Variants in ROBO2 observed in about 807,000 individuals in gnomAD.
ROBO2 encodes the protein roundabout homolog 2.
Under a neutral mutation model 160.8 loss-of-function variants are expected in ROBO2, and 53 were observed. The observed-to-expected ratio is 0.33, with a 90% CI of 0.26 to 0.41. The LOEUF (loss-of-function observed/expected upper bound fraction) is 0.41, where lower values mean the gene tolerates loss of function less well. ROBO2 is among the 10% of genes least tolerant of loss of function. ROBO2 has a pLI of 1.00. For synonymous variants in ROBO2, 664 were observed against 611.7 expected (o/e 1.09, Z -1.26); for missense variants, 1,577 against 1,722.4 (o/e 0.92, Z 1.49).
chr3:77,231,391 T>C (rs906497870), intron 2 of ROBO2, among the ~76,000 whole-genome samples: 16 of 135,130 alleles, frequency 1.2e-4, no homozygotes, highest in Non-Finnish European at 1.3e-4. Flanking sequence ...AAAAAGACAC[T>C]AAGCTAAAAG....
intron 2 of ROBO2, among the ~76,000 whole-genome samples, chr3:77,420,618 T>C (rs2077629761): frequency 6.6e-6 from 1 of 152,120 alleles, no homozygotes; most frequent in Admixed American, 6.6e-5. Flanking sequence ...GTTTACCAAA[T>C]GTGTTGTCTG....
At chr3:77,471,782 T>A (rs551787054) in intron 2 of ROBO2, among the ~76,000 whole-genome samples, 143 of 152,200 alleles carry the variant, frequency 9.4e-4, no homozygotes, top group Non-Finnish European at 1.8e-3. Context: ...GAGAGGAAAG[T>A]GGGAGACACA....
chr3:76,636,418 A>AATTAAAGG (rs893285493), intron 2 of ROBO2, among the ~76,000 whole-genome samples: 6 of 152,292 alleles, frequency 3.9e-5, no homozygotes, highest in African/African-American at 1.2e-4. Flanking sequence ...GGGTTCCCCA[A>AATTAAAGG]GCCCCCCAAA....
rs528601113 is a variant in ROBO2 at position 76,164,052 on chromosome 3, G to T, written c.109+226450G>T. The stretch of plus-strand genomic sequence containing the variant: ...ATCCCCTCAAACCTGCCTCTGCTTT[G>T]CCAACTAAGTTTACATAATATTCTA... On this transcript the variant is annotated intron_variant, in intron 2 of 26. Transcript: ENST00000487694. 5.3e-5 allele frequency among the ~76,000 whole-genome samples: 8 copies of T among 152,164 alleles called. No individual in the cohort carries two copies. The South Asian group carries it at 1.7e-3, about 32-fold the overall frequency.
At chr3:76,484,391 G>A (rs1309775388) in intron 2 of ROBO2, among the ~76,000 whole-genome samples, 1 of 152,078 alleles carries the variant, frequency 6.6e-6, no homozygotes, top group Non-Finnish European at 1.5e-5. Flanking sequence ...AAACACTTAA[G>A]TATCTGTTGT....
At chr3:77,561,709 C>A (rs1169329350) in intron 9 of ROBO2, among the ~76,000 whole-genome samples, 2 of 152,056 alleles carry the variant, frequency 1.3e-5, no homozygotes, top group Non-Finnish European at 2.9e-5. Context: ...TCCATAGCCA[C>A]ATTTTTTTAA....
At chr3:76,382,139 C>T (rs898102114) in intron 2 of ROBO2, among the ~76,000 whole-genome samples, 5 of 152,032 alleles carry the variant, frequency 3.3e-5, no homozygotes, top group African/African-American at 9.7e-5. Flanking sequence ...CTAATATTTT[C>T]GTATTTTTGG....
At chr3:76,475,126 G>A (rs2078865893) in intron 2 of ROBO2, among the ~76,000 whole-genome samples, 1 of 151,788 alleles carries the variant, frequency 6.6e-6, no homozygotes, top group South Asian at 2.1e-4. Flanking sequence ...AAAAAAAGGG[G>A]GTAATATGAG....
intron 2 of ROBO2, among the ~76,000 whole-genome samples, chr3:77,375,152 C>T (rs1286633680): frequency 6.6e-6 from 1 of 152,202 alleles, no homozygotes; most frequent in East Asian, 1.9e-4. Flanking sequence ...TTCAAGGTTC[C>T]AGTGAGCTAT....
chr3:77,523,024 T>G (rs2153628498), intron 6 of ROBO2, 122 bp downstream of exon 6: 16 of 1,116,324 alleles, frequency 1.4e-5, no homozygotes, highest in Non-Finnish European at 1.9e-5. Flanking sequence ...ATGCCTAGAT[T>G]TTGTGTCCTC....
chr3:77,602,461 T>C (rs1302738003), exon 20 of ROBO2: 1 of 1,614,152 alleles, frequency 6.2e-7, no homozygotes, highest in Admixed American at 1.7e-5. Flanking sequence ...ATTTGGTTAT[T>C]CTCTACCTGA....
chr3:76,014,285 T>G (rs1048024037), intron 2 of ROBO2, among the ~76,000 whole-genome samples: 1 of 130,284 alleles, frequency 7.7e-6, no homozygotes, highest in South Asian at 2.5e-4. Flanking sequence ...ATAAAGGCAA[T>G]TGGGGGCTGG....
At chr3:76,559,267 A>G (rs572641033) in intron 2 of ROBO2, among the ~76,000 whole-genome samples, 1 of 152,292 alleles carries the variant, frequency 6.6e-6, no homozygotes, top group African/African-American at 2.4e-5. Flanking sequence ...TCTTGCAATG[A>G]TGCAATATAT....
intron 2 of ROBO2, among the ~76,000 whole-genome samples, chr3:76,639,421 TATATAAAC>T (rs1202895426): frequency 1.3e-5 from 2 of 151,250 alleles, no homozygotes; most frequent in Admixed American, 1.3e-4. Flanking sequence ...CATAAATACA[TATATAAAC>T]ATATACGTGT....
rs140713137 is a variant in ROBO2, at chr3:76,400,972, C to T, written c.109+463370C>T. ...ACACATGTGGCATATTAGGTATACA[C>T]AAAAATATCTCTGGCTCTCTTGCTG... On this transcript the variant is annotated intron_variant, in intron 2 of 26. Coordinates refer to the ROBO2 transcript ENST00000487694. Among the ~76,000 whole-genome samples the T allele has an allele frequency of 5.5e-3, 841 of 151,634 alleles. 6 individuals carry two copies. The highest frequency in any genetic ancestry group is 0.019 in the African/African-American group (796 of 41,464).
Position 76,187,435 on chromosome 3 carries a change from C to A in ROBO2, c.109+249833C>A, listed in dbSNP as rs925921964. Among the ~76,000 whole-genome samples the A allele has an allele frequency of 8.1e-5, 11 of 135,572 alleles. No individual in the cohort carries two copies. In the South Asian group the frequency reaches 1.2e-3, roughly 15 times the overall value. The allele number at this position is 135,572 out of a possible 152,430, so 88.9% of individuals were successfully genotyped here. ...GACAACAGGTGTGCACCACCACACC[C>A]AACTGATTTTTTAATGTTTTTTAGA... On this transcript the variant is annotated intron_variant, in intron 2 of 26. Transcript: ENST00000487694.
chr3:77,597,150 T>C (rs1020784716), intron 19 of ROBO2, among the ~76,000 whole-genome samples: 1 of 152,080 alleles, frequency 6.6e-6, no homozygotes, highest in African/African-American at 2.4e-5. Flanking sequence ...CTTGGCACTA[T>C]GGAAGACCAT....
chr3:76,821,485 C>T (rs183639446), intron 2 of ROBO2, among the ~76,000 whole-genome samples: 53 of 152,024 alleles, frequency 3.5e-4, no homozygotes, highest in East Asian at 7.7e-4. Flanking sequence ...TCAATTTATT[C>T]GAGAGAAACA....
intron 2 of ROBO2, among the ~76,000 whole-genome samples, chr3:76,018,940 CG>C (rs2066483813): frequency 6.6e-6 from 1 of 151,438 alleles, no homozygotes. Flanking sequence ...TCTGAGAATA[CG>C]GTGTATTCCT....
Sources: allele counts gnomAD v4.1 joint callset (sites outside exome capture counted in the v4.1 genomes callset), GRCh38; gene constraint gnomAD v4.1.1; transcripts MANE v1.5; gene names NCBI Gene and HGNC (gene_info 2026-07-23, HGNC 2026-07-21).